Variants in KCNH8 observed in about 807,000 individuals in gnomAD.
KCNH8 encodes voltage-gated delayed rectifier potassium channel KCNH8.
A neutral mutation model predicts 103.6 loss-of-function variants in KCNH8; 70 were observed. The ratio of observed to expected loss-of-function variants is 0.68; its 90% CI spans 0.56 to 0.82. KCNH8 has a LOEUF of 0.82. Ranked by LOEUF, KCNH8 falls within the 40% of genes least tolerant of loss-of-function variation. The pLI is 0.00. For synonymous variants in KCNH8, 498 were observed against 489.4 expected, an observed-to-expected ratio of 1.02 and a Z score of -0.23; for missense variants, 1,217 against 1,329.9, an observed-to-expected ratio of 0.92 and a Z score of 1.32.
chr3:19,477,277 T>A (rs1304214064), intron 11 of KCNH8, among the ~76,000 whole-genome samples: 1 of 152,172 alleles, frequency 6.6e-6, no homozygotes, highest in African/African-American at 2.4e-5. Flanking sequence ...AATGCTCCAT[T>A]CCCAACATGA....
intron 3 of KCNH8, among the ~76,000 whole-genome samples, chr3:19,304,362 T>A (rs2065102375): frequency 6.6e-6 from 1 of 152,072 alleles, no homozygotes; most frequent in African/African-American, 2.4e-5. Context: ...ACAGGGAGCT[T>A]CTTATGGAAA....
chr3:19,309,930 C>G (rs1420481009), intron 3 of KCNH8, among the ~76,000 whole-genome samples: 2 of 151,912 alleles, frequency 1.3e-5, no homozygotes, highest in Admixed American at 1.3e-4. Context: ...CCTCTCCCAT[C>G]ATCTCTGTGT....
chr3:19,178,576 G>A (rs1434685932), intron 1 of KCNH8, among the ~76,000 whole-genome samples: 1 of 152,076 alleles, frequency 6.6e-6, no homozygotes, highest in African/African-American at 2.4e-5. Flanking sequence ...CTTCATAAGG[G>A]GAATAGAGAA....
intron 3 of KCNH8, among the ~76,000 whole-genome samples, chr3:19,285,538 T>G (rs1251448843): frequency 6.6e-6 from 1 of 152,206 alleles, no homozygotes; most frequent in Admixed American, 6.5e-5. Context: ...GTTTGTTATA[T>G]TCTATAAGTT....
At chr3:19,249,963 T>C (rs2064254994) in intron 1 of KCNH8, among the ~76,000 whole-genome samples, 1 of 152,164 alleles carries the variant, frequency 6.6e-6, no homozygotes, top group Admixed American at 6.5e-5. Context: ...AAAGGCAAGC[T>C]GGGTATGGTG....
intron 2 of KCNH8, among the ~76,000 whole-genome samples, chr3:19,277,747 T>C (rs1398969192): frequency 6.6e-6 from 1 of 152,126 alleles, no homozygotes; most frequent in Non-Finnish European, 1.5e-5. Flanking sequence ...AAAAATAGAT[T>C]TTTCCATATA....
At chr3:19,448,073 G>A (rs2067389028) in intron 8 of KCNH8, among the ~76,000 whole-genome samples, 1 of 151,918 alleles carries the variant, frequency 6.6e-6, no homozygotes, top group African/African-American at 2.4e-5. Flanking sequence ...TGAGCATGCT[G>A]AAAATTCATA....
intron 7 of KCNH8, among the ~76,000 whole-genome samples, chr3:19,406,866 T>C (rs1220505995): frequency 6.6e-6 from 1 of 152,176 alleles, no homozygotes; most frequent in Non-Finnish European, 1.5e-5. Flanking sequence ...ACCTCAGATT[T>C]CTTCTCTGTA....
intron 12 of KCNH8, among the ~76,000 whole-genome samples, chr3:19,511,901 T>C (rs754886937): frequency 3.3e-5 from 5 of 152,206 alleles, no homozygotes; most frequent in South Asian, 2.1e-4. Context: ...ATACCTGTAA[T>C]ATATACACCA....
chr3:19,219,700 A>G (rs1355407879), intron 1 of KCNH8, among the ~76,000 whole-genome samples: 1 of 152,170 alleles, frequency 6.6e-6, no homozygotes, highest in Non-Finnish European at 1.5e-5. Flanking sequence ...GGTGCTTGCC[A>G]TGGCTCCCTT....
rs2068904707 is a variant in KCNH8, at chr3:19,518,015, G to A, written c.2560G>A (p.Ala854Thr). 1 of 1,612,132 alleles carries A rather than the reference G, an allele frequency of 6.2e-7. No individual in the cohort carries two copies. Among genetic ancestry groups the A allele is most frequent in the Non-Finnish European group, 8.5e-7 (1 of 1,178,800 alleles). ...PPLGDPEIGA[A>T]VLFIKAEETK... ...CTTTTCAGATCCAGAGATTGGAGCT[G>A]CTGTTCTCTTCATCAAAGCAGAGGA... The change falls in exon 15 of 16, where the codon GCT becomes ACT. Residue 854 changes from alanine to threonine, a missense_variant. By Grantham distance (58) the Ala-to-Thr change is moderately conservative. This residue lies in a region of KCNH8 where 558 missense variants were observed against 495.8 expected (regional missense o/e 1.13). Transcript: ENST00000328405.
chr3:19,166,440 C>T (rs761566493), intron 1 of KCNH8, among the ~76,000 whole-genome samples: 8 of 152,116 alleles, frequency 5.3e-5, no homozygotes, highest in Non-Finnish European at 1.0e-4. Flanking sequence ...CCTACTTTTA[C>T]AAGAATATAA....
At position 19,450,654 on chromosome 3, in the gene KCNH8, A is replaced by G. The variant is rs189265342; in HGVS notation, c.1575+349A>G. The G allele has an allele frequency of 1.7e-3, 525 of 308,590 alleles. 4 individuals carry two copies. The highest frequency in any genetic ancestry group is 0.01 in the African/African-American group (472 of 45,296). The allele number at this position is 308,590 out of a possible 1,614,324, so 19.1% of individuals were successfully genotyped here. ...CAAGTTTCTGTTTCCCTTAACATCA[A>G]TAAAGTTAAAAAATTCCATCAAAGG... On this transcript the variant is annotated intron_variant, in intron 9 of 15. Coordinates refer to ENST00000328405, the MANE Select transcript of KCNH8 (RefSeq NM_144633.3).
chr3:19,187,262 T>C (rs2063511375), intron 1 of KCNH8, among the ~76,000 whole-genome samples: 1 of 151,944 alleles, frequency 6.6e-6, no homozygotes, highest in African/African-American at 2.4e-5. Flanking sequence ...TTTATAGTAA[T>C]AAGTTATTAT....
chr3:19,329,809 T>G (rs1373389925), intron 3 of KCNH8, among the ~76,000 whole-genome samples: 1 of 152,154 alleles, frequency 6.6e-6, no homozygotes, highest in Non-Finnish European at 1.5e-5. Flanking sequence ...GCATGCATTC[T>G]GGCACAACAA....
At chr3:19,510,333 A>T in intron 11 of KCNH8, 30 bp from the exon 12 acceptor site, 1 of 1,421,704 alleles carries the variant, frequency 7.0e-7, no homozygotes, top group Non-Finnish European at 9.9e-7. Flanking sequence ...GGATATGTAA[A>T]ATGATTAATA....
At chr3:19,177,257 T>C (rs1201615013) in intron 1 of KCNH8, among the ~76,000 whole-genome samples, 1 of 152,094 alleles carries the variant, frequency 6.6e-6, no homozygotes, top group African/African-American at 2.4e-5. Context: ...GGTGGGAATG[T>C]GTCAGGTAAT....
At chr3:19,505,907 T>C (rs1221301614) in intron 11 of KCNH8, among the ~76,000 whole-genome samples, 1 of 152,214 alleles carries the variant, frequency 6.6e-6, no homozygotes, top group African/African-American at 2.4e-5. Flanking sequence ...GTTATTTCAG[T>C]GAGCCAGTTT....
chr3:19,492,830 CGT>C (rs67383228), intron 11 of KCNH8, among the ~76,000 whole-genome samples: 3,485 of 123,364 alleles, frequency 0.028, 74 homozygotes, highest in Middle Eastern at 0.034. Context: ...AATGTTTTTT[CGT>C]GTGTGTGTGT....
Sources: allele counts gnomAD v4.1 joint callset (sites outside exome capture counted in the v4.1 genomes callset), GRCh38; gene constraint gnomAD v4.1.1; regional missense constraint gnomAD v4.1.1; transcripts MANE v1.5; gene names NCBI Gene and HGNC (gene_info 2026-07-23, HGNC 2026-07-21).